The following NTM variants were observed in gnomAD, a reference collection of about 807,000 sequenced individuals.
NTM encodes the protein neurotrimin.
A neutral mutation model predicts 42.1 loss-of-function variants in NTM; 13 were observed. The observed-to-expected ratio is 0.31, with a 90% CI of 0.20 to 0.49. The LOEUF (loss-of-function observed/expected upper bound fraction) is 0.49. NTM is among the 20% of genes least tolerant of loss of function. The probability of loss-of-function intolerance (pLI) is 0.99; values close to 1 mark genes in which losing one functional copy is unlikely to be tolerated. For synonymous variants in NTM, 187 were observed against 179.2 expected (o/e 1.04, Z -0.35); for missense variants, 373 against 452.8 (o/e 0.82, Z 1.60).
chr11:131,692,038 G>C (rs1331193215), intron 1 of NTM, among the ~76,000 whole-genome samples: 1 of 152,216 alleles, frequency 6.6e-6, no homozygotes, highest in South Asian at 2.1e-4. Flanking sequence ...AGGTAAGCAC[G>C]AGTGAAAAGT....
chr11:131,560,188 ACT>A (rs1477716724), intron 1 of NTM, among the ~76,000 whole-genome samples: 1 of 151,864 alleles, frequency 6.6e-6, no homozygotes, highest in African/African-American at 2.4e-5. Flanking sequence ...GACAGAAGTG[ACT>A]CTCCCTATTC....
intron 1 of NTM, among the ~76,000 whole-genome samples, chr11:131,703,425 G>T (rs2076266665): frequency 6.6e-6 from 1 of 152,204 alleles, no homozygotes; most frequent in African/African-American, 2.4e-5. Flanking sequence ...TTTGGAAGGA[G>T]AAAGTCTGTG....
intron 2 of NTM, among the ~76,000 whole-genome samples, chr11:132,073,351 G>C (rs1445408535): frequency 6.6e-6 from 1 of 152,160 alleles, no homozygotes; most frequent in Non-Finnish European, 1.5e-5. Flanking sequence ...GGAATGTTCT[G>C]TGACTTAATG....
chr11:132,148,430 G>T (rs2071077635), intron 3 of NTM, among the ~76,000 whole-genome samples: 1 of 152,092 alleles, frequency 6.6e-6, no homozygotes, highest in African/African-American at 2.4e-5. Context: ...GGAAGCTATT[G>T]CTCAGCCCCC....
chr11:132,010,066 A>C (rs1416668379), intron 2 of NTM, among the ~76,000 whole-genome samples: 6 of 152,220 alleles, frequency 3.9e-5, no homozygotes, highest in African/African-American at 7.2e-5. Flanking sequence ...GATTGTAGAG[A>C]TCAATACAGA....
At chr11:131,596,806 A>G (rs950075180) in intron 1 of NTM, among the ~76,000 whole-genome samples, 1 of 152,228 alleles carries the variant, frequency 6.6e-6, no homozygotes, top group African/African-American at 2.4e-5. Context: ...GACAGAACTA[A>G]TGGAATATAT....
At chr11:132,208,916 G>A (rs534805239) in intron 3 of NTM, among the ~76,000 whole-genome samples, 3 of 152,196 alleles carry the variant, frequency 2.0e-5, no homozygotes, top group Middle Eastern at 3.4e-3. Context: ...TTGAAGCAAC[G>A]TCTGCAAGGC....
intron 4 of NTM, among the ~76,000 whole-genome samples, chr11:132,214,400 A>G (rs988246973): frequency 2.6e-5 from 4 of 151,140 alleles, no homozygotes; most frequent in Non-Finnish European, 5.9e-5. Flanking sequence ...GTCTCTTCTC[A>G]TTCCCTCATC....
intron 1 of NTM, among the ~76,000 whole-genome samples, chr11:131,388,168 C>T (rs114770677): frequency 0.022 from 3,290 of 152,168 alleles, 107 homozygotes; most frequent in African/African-American, 0.075. Context: ...TGGGAGGGGC[C>T]TCAGTGTCTC....
intron 1 of NTM, among the ~76,000 whole-genome samples, chr11:131,860,295 G>C (rs577754678): frequency 6.6e-5 from 10 of 152,304 alleles, no homozygotes; most frequent in African/African-American, 2.2e-4. Context: ...CTTTATTCCT[G>C]TGCCATGGTG....
chr11:131,636,528 A>T (rs2064411785), intron 1 of NTM, among the ~76,000 whole-genome samples: 1 of 152,174 alleles, frequency 6.6e-6, no homozygotes, highest in African/African-American at 2.4e-5. Context: ...GGGTCAACTG[A>T]ACTCCAGTGC....
intron 2 of NTM, among the ~76,000 whole-genome samples, chr11:131,927,803 CATAGTCAGCTCCCA>C (rs1432483827): frequency 2.0e-5 from 3 of 152,202 alleles, no homozygotes; most frequent in African/African-American, 7.2e-5. Flanking sequence ...TGGGGTCACA[CATAGTCAGCTCCCA>C]ATAGCCAGGA....
chr11:132,270,121 G>T (rs373431035), intron 4 of NTM, among the ~76,000 whole-genome samples: 6 of 152,162 alleles, frequency 3.9e-5, no homozygotes, highest in African/African-American at 1.4e-4. Context: ...GAGATCATAC[G>T]TATATATTCT....
At position 131,866,968 on chromosome 11, in the gene NTM, C is replaced by A. The variant is rs11222823; in HGVS notation, c.83-44596C>A. On this transcript the variant is annotated intron_variant, in intron 1 of 8. Coordinates refer to ENST00000683400, the MANE Select transcript of NTM (RefSeq NM_001352005.2). ...CCGTGGAATGACAGCAAGGACAGTG[C>A]GCGGCAGCCAAGATGGAGAACAGGG... Among the ~76,000 whole-genome samples, 113 of 152,186 alleles carry A rather than the reference C, an allele frequency of 7.4e-4. 4 individuals carry two copies. The East Asian group carries it at 0.021, about 28-fold the overall frequency.
At chr11:131,467,436 T>G (rs899771316) in intron 1 of NTM, among the ~76,000 whole-genome samples, 1 of 152,172 alleles carries the variant, frequency 6.6e-6, no homozygotes, top group Non-Finnish European at 1.5e-5. Context: ...CAGACATTGG[T>G]TTTACACAAA....
intron 1 of NTM, among the ~76,000 whole-genome samples, chr11:131,776,582 AT>A (rs529812913): frequency 0.034 from 5,020 of 146,706 alleles, 105 homozygotes; most frequent in Non-Finnish European, 0.052. Context: ...TATTTTAGAC[AT>A]TTTTTTTTTT....
chr11:132,053,271 C>T (rs948574131), intron 2 of NTM, among the ~76,000 whole-genome samples: 6 of 152,104 alleles, frequency 3.9e-5, no homozygotes, highest in Non-Finnish European at 7.3e-5. Context: ...AGATTTGATC[C>T]GAGGCTTACC....
chr11:132,190,872 A>G (rs1566428039), intron 3 of NTM, among the ~76,000 whole-genome samples: 1 of 152,148 alleles, frequency 6.6e-6, no homozygotes, highest in Non-Finnish European at 1.5e-5. Flanking sequence ...GGACACAGGT[A>G]TGGATTGTGA....
At chr11:132,309,701 C>CT (rs2095218824) in intron 5 of NTM, among the ~76,000 whole-genome samples, 1 of 152,130 alleles carries the variant, frequency 6.6e-6, no homozygotes, top group Non-Finnish European at 1.5e-5. Flanking sequence ...GTTTTACCTT[C>CT]TAAGTAAGCA....
Sources: allele counts gnomAD v4.1 joint callset (sites outside exome capture counted in the v4.1 genomes callset), GRCh38; gene constraint gnomAD v4.1.1; transcripts MANE v1.5; gene names NCBI Gene and HGNC (gene_info 2026-07-23, HGNC 2026-07-21).